The following CLVS1 variants were observed in gnomAD, a reference collection of about 807,000 sequenced individuals.
CLVS1 encodes clavesin 1.
CLVS1 carries 10 observed loss-of-function variants against 33.1 expected under a neutral mutation model. The observed-to-expected ratio is 0.30, with a 90% CI of 0.19 to 0.51. The LOEUF (loss-of-function observed/expected upper bound fraction) is 0.51, where lower values mean the gene tolerates loss of function less well. Among genes scored for constraint, CLVS1 ranks in the 20% least tolerant of loss-of-function variants. CLVS1 has a pLI of 0.97. For synonymous variants in CLVS1, 163 were observed against 166.1 expected (o/e 0.98, Z 0.14); for missense variants, 343 against 433.4 (o/e 0.79, Z 1.85).
At chr8:61,035,401 C>A in the CLVS1 span, among the ~76,000 whole-genome samples, 2 of 151,938 alleles carry the variant, frequency 1.3e-5, no homozygotes, top group African/African-American at 4.8e-5. Context: ...TGAGAAGACA[C>A]CAAAGAGTAA....
chr8:61,443,016 T>G (rs1245957337), intron 3 of CLVS1, among the ~76,000 whole-genome samples: 2 of 152,254 alleles, frequency 1.3e-5, no homozygotes, highest in African/African-American at 4.8e-5. Flanking sequence ...CATGTACTTA[T>G]TTGACATCTT....
intron 1 of CLVS1, among the ~76,000 whole-genome samples, chr8:61,077,870 T>C (rs999973644): frequency 6.6e-6 from 1 of 152,188 alleles, no homozygotes; most frequent in Non-Finnish European, 1.5e-5. Flanking sequence ...CCCGCTGCTC[T>C]GCAAGCCTCG....
At chr8:61,430,779 G>C (rs986880872) in intron 3 of CLVS1, among the ~76,000 whole-genome samples, 5 of 152,178 alleles carry the variant, frequency 3.3e-5, no homozygotes, top group African/African-American at 1.2e-4. Flanking sequence ...AACTCTAATG[G>C]ACAGTGCACT....
intron 2 of CLVS1, among the ~76,000 whole-genome samples, chr8:61,270,924 G>T (rs1489539036): frequency 6.6e-6 from 1 of 151,190 alleles, no homozygotes; most frequent in Non-Finnish European, 1.5e-5. Context: ...TATTAGTCTT[G>T]CTAGCGGTCT....
At chr8:61,062,061 G>A (rs1449333642) in intron 1 of CLVS1, among the ~76,000 whole-genome samples, 2 of 152,092 alleles carry the variant, frequency 1.3e-5, no homozygotes, top group Non-Finnish European at 1.5e-5. Context: ...GTGCCTCGTT[G>A]CTTCTGACTA....
chr8:61,186,341 T>C (rs1807343677), intron 2 of CLVS1, among the ~76,000 whole-genome samples: 1 of 152,162 alleles, frequency 6.6e-6, no homozygotes, highest in South Asian at 2.1e-4. Flanking sequence ...CATAATGAAA[T>C]AAAAATGTAA....
At chr8:61,058,188 A>C (rs1039870961) in intron 1 of CLVS1, among the ~76,000 whole-genome samples, 2 of 152,186 alleles carry the variant, frequency 1.3e-5, no homozygotes, top group African/African-American at 2.4e-5. Flanking sequence ...TTTGGCAGGC[A>C]GGGCTGAGGC....
At chr8:61,082,499 A>ACAAAAAC (rs138428597) in intron 1 of CLVS1, among the ~76,000 whole-genome samples, 2 of 151,376 alleles carry the variant, frequency 1.3e-5, no homozygotes, top group Non-Finnish European at 3.0e-5. Flanking sequence ...AAACAAACAA[A>ACAAAAAC]AACAACAACA....
At chr8:61,055,650 G>T (rs1328418265), upstream of CLVS1, among the ~76,000 whole-genome samples, 2 of 152,202 alleles carry the variant, frequency 1.3e-5, no homozygotes, top group Non-Finnish European at 2.9e-5. Flanking sequence ...AGACGTAGAA[G>T]CAGACAGGCC....
the CLVS1 span, among the ~76,000 whole-genome samples, chr8:61,024,542 C>T: frequency 6.6e-6 from 1 of 152,176 alleles, no homozygotes. Context: ...CTTCTCTAAG[C>T]TTCTAAACAG....
intron 2 of CLVS1, among the ~76,000 whole-genome samples, chr8:61,182,578 A>G (rs1295720120): frequency 6.6e-6 from 1 of 152,238 alleles, no homozygotes; most frequent in African/African-American, 2.4e-5. Flanking sequence ...ACATGAAAAA[A>G]AGCTCAACAT....
chr8:61,274,566 G>A (rs1319821827), intron 2 of CLVS1, among the ~76,000 whole-genome samples: 1 of 152,104 alleles, frequency 6.6e-6, no homozygotes, highest in Admixed American at 6.5e-5. Flanking sequence ...CTCTAAACAT[G>A]TAGCGAATCT....
chr8:61,413,230 T>A (rs573433801), intron 3 of CLVS1, among the ~76,000 whole-genome samples: 106 of 152,322 alleles, frequency 7.0e-4, no homozygotes, highest in Admixed American at 1.4e-3. Flanking sequence ...AGATTTATTT[T>A]ATGGGCAACT....
At chr8:61,049,534 C>T in the CLVS1 span, among the ~76,000 whole-genome samples, 1 of 152,132 alleles carries the variant, frequency 6.6e-6, no homozygotes, top group South Asian at 2.1e-4. Context: ...AGGAAAGTCA[C>T]CTTTACCACA....
chr8:61,366,533 C>T (rs993273303), intron 2 of CLVS1, among the ~76,000 whole-genome samples: 1 of 152,192 alleles, frequency 6.6e-6, no homozygotes, highest in African/African-American at 2.4e-5. Context: ...GGACACACAT[C>T]AGACGTCAGC....
chr8:61,149,786 G>A (rs1363392754), intron 2 of CLVS1, among the ~76,000 whole-genome samples: 1 of 151,996 alleles, frequency 6.6e-6, no homozygotes, highest in Non-Finnish European at 1.5e-5. Flanking sequence ...GAGTATTGTA[G>A]CCCAAAACTA....
At chr8:61,322,323 G>A (rs182001635) in intron 2 of CLVS1, among the ~76,000 whole-genome samples, 1 of 152,244 alleles carries the variant, frequency 6.6e-6, no homozygotes, top group Admixed American at 6.5e-5. Context: ...GTGGATCCTT[G>A]GCAAGCTCTT....
intron 3 of CLVS1, among the ~76,000 whole-genome samples, chr8:61,399,100 G>A (rs1448983402): frequency 6.6e-6 from 1 of 152,132 alleles, no homozygotes; most frequent in African/African-American, 2.4e-5. Flanking sequence ...TGGTGCTTCT[G>A]CCTCTAGATC....
At chr8:61,134,076 T>A (rs1029144652) in intron 2 of CLVS1, among the ~76,000 whole-genome samples, 1 of 152,138 alleles carries the variant, frequency 6.6e-6, no homozygotes, top group Non-Finnish European at 1.5e-5. Flanking sequence ...GGTGGAGATG[T>A]CCAGCAGGCA....
Sources: gnomAD v4.1 joint callset for allele counts (sites outside exome capture counted in the v4.1 genomes callset) on GRCh38, gnomAD v4.1.1 for gene constraint, MANE v1.5 for transcripts, NCBI Gene and HGNC (gene_info 2026-07-23, HGNC 2026-07-21) for gene names.